The following DIP2C variants were observed in gnomAD, a reference collection of about 807,000 sequenced individuals.
DIP2C encodes the protein disco-interacting protein 2 homolog C.
Under a neutral mutation model 192.4 loss-of-function variants are expected in DIP2C, and 33 were observed. That is an observed-to-expected ratio of 0.17 (90% CI 0.13 to 0.23). The LOEUF (loss-of-function observed/expected upper bound fraction) is 0.23. Among genes scored for constraint, DIP2C ranks in the 10% least tolerant of loss-of-function variants. The probability of loss-of-function intolerance (pLI) is 1.00; values close to 1 mark genes in which losing one functional copy is unlikely to be tolerated. For missense variants in DIP2C, 1,537 were observed against 2,110.1 expected, an observed-to-expected ratio of 0.73 and a Z score of 5.32; for synonymous variants, 979 against 864.1, an observed-to-expected ratio of 1.13 and a Z score of -2.33.
At chr10:316,109 G>A (rs974631181) in intron 31 of DIP2C, among the ~76,000 whole-genome samples, 16 of 151,840 alleles carry the variant, frequency 1.1e-4, no homozygotes, top group African/African-American at 3.6e-4. Context: ...CAGCTATTTC[G>A]AAGTCTCTGA....
chr10:441,265 G>A (rs892161116), intron 3 of DIP2C: 27 of 375,968 alleles, frequency 7.2e-5, no homozygotes, highest in Non-Finnish European at 1.1e-4. Context: ...TCTTTTTAGG[G>A]TGAATGGACC....
intron 1 of DIP2C, among the ~76,000 whole-genome samples, chr10:617,655 A>ACCCCCCCCCCCCC (rs3049602): frequency 7.6e-6 from 1 of 132,326 alleles, no homozygotes; most frequent in African/African-American, 2.8e-5. Flanking sequence ...TGTGGATACC[A>ACCCCCCCCCCCCC]CCCCCCCACC....
chr10:618,269 G>GT (rs1165630453), intron 1 of DIP2C, among the ~76,000 whole-genome samples: 1 of 152,180 alleles, frequency 6.6e-6, no homozygotes, highest in East Asian at 1.9e-4. Context: ...TAAGAAACAG[G>GT]TTTTTTTCTG....
chr10:345,304 A>G, intron 26 of DIP2C, 194 bp from the exon 27 acceptor site: 1 of 690,236 alleles, frequency 1.4e-6, no homozygotes, highest in South Asian at 1.5e-5. Context: ...GGGGCAGGGC[A>G]TGCGGCCTGA....
chr10:502,501 G>A lies in DIP2C; in HGVS notation c.86-15971C>T, dbSNP rs1845305053. On this transcript the variant is annotated intron_variant, in intron 1 of 36. Transcript: ENST00000280886. ...TCTAAGCTTCTATGTTAAACTCAAA[G>A]CCAGAAAAAGACATCATAATGAGCA... Among the ~76,000 whole-genome samples, 3 of 152,016 alleles carry A rather than the reference G, an allele frequency of 2.0e-5. No individual in the cohort carries two copies. The South Asian group carries it at 6.2e-4, about 32-fold the overall frequency.
chr10:472,530 C>G lies in DIP2C; in HGVS notation c.177G>C (p.Pro59=). ...PQPPRVDQAL[P]QERRAPVTPS... is the part of the protein sequence containing the mutation. ...GAGTGACAGGAGCCCGGCGTTCTTG[C>G]GGCAAAGCTTGGTCCACCCCTGGAT... The change falls in exon 3 of 37, where the codon CCG becomes CCC. Residue 59 remains proline (P), a synonymous_variant. Coordinates refer to ENST00000280886, the MANE Select transcript of DIP2C (RefSeq NM_014974.3). 1.2e-6 allele frequency: 2 copies of G among 1,614,118 alleles called. No individual in the cohort carries two copies. The highest frequency in any genetic ancestry group is 1.7e-6 in the Non-Finnish European group (2 of 1,180,010).
At chr10:287,201 A>G (rs1955189157) in intron 33 of DIP2C, among the ~76,000 whole-genome samples, 1 of 152,044 alleles carries the variant, frequency 6.6e-6, no homozygotes, top group African/African-American at 2.4e-5. Flanking sequence ...CTCCAGCCTC[A>G]GCCCCACAAA....
chr10:672,817 C>T (rs967477990), intron 1 of DIP2C, among the ~76,000 whole-genome samples: 1 of 152,162 alleles, frequency 6.6e-6, no homozygotes, highest in African/African-American at 2.4e-5. Flanking sequence ...GAAACTAAAC[C>T]CTGCCCAGCC....
At chr10:356,672 C>T (rs1484429026) in intron 23 of DIP2C, among the ~76,000 whole-genome samples, 166 bp from the exon 24 acceptor site, 1 of 152,178 alleles carries the variant, frequency 6.6e-6, no homozygotes, top group Non-Finnish European at 1.5e-5. Flanking sequence ...TGGGAAAATC[C>T]CCGTCACACA....
intron 3 of DIP2C, among the ~76,000 whole-genome samples, chr10:456,902 A>C (rs571823138): frequency 1.3e-5 from 2 of 152,326 alleles, no homozygotes; most frequent in Admixed American, 6.5e-5. Flanking sequence ...TCCTTCTCTA[A>C]GTCTTTTCTT....
intron 1 of DIP2C, among the ~76,000 whole-genome samples, chr10:528,120 C>G (rs943369269): frequency 6.6e-6 from 1 of 152,132 alleles, no homozygotes; most frequent in Non-Finnish European, 1.5e-5. Context: ...CCTGGAACAT[C>G]CCCCCTGAAG....
intron 17 of DIP2C, among the ~76,000 whole-genome samples, chr10:378,569 A>C (rs907079688): frequency 1.4e-5 from 2 of 142,864 alleles, no homozygotes; most frequent in East Asian, 4.3e-4. Flanking sequence ...GAACACAAAC[A>C]TGCAGACATG....
intron 4 of DIP2C, among the ~76,000 whole-genome samples, chr10:427,236 C>A (rs1023458715): frequency 6.6e-6 from 1 of 152,192 alleles, no homozygotes; most frequent in African/African-American, 2.4e-5. Flanking sequence ...TGACTTATGG[C>A]CCCTCCTCAT....
intron 15 of DIP2C, 126 bp from the exon 16 acceptor site, chr10:384,272 T>G (rs1029718571): frequency 6.0e-4 from 2 of 3,342 alleles, no homozygotes; most frequent in Non-Finnish European, 1.1e-3. Context: ...CCCACAAACC[T>G]TTTTTTTTTT....
In DIP2C at chr10:363,429, A is replaced by G. The variant is rs990811571; in HGVS notation, c.2478-118T>C. 2.1e-5 allele frequency: 17 copies of G among 811,228 alleles called. No individual in the cohort carries two copies. In the African/African-American group the frequency reaches 2.2e-4, roughly 11 times the overall value. The allele number at this position is 811,228 out of a possible 1,614,324, so 50.3% of individuals were successfully genotyped here. ...GTGACACAGCTCCAACTACGACTTC[A>G]AAACGGCCGCTGTACTTCCGAATTT... On this transcript the variant is annotated intron_variant, in intron 20 of 36. Coordinates refer to ENST00000280886, the MANE Select transcript of DIP2C (RefSeq NM_014974.3). The surrounding 1 kb of genome is among the most constrained non-coding windows in gnomAD (Gnocchi z 5.4).
intron 29 of DIP2C, among the ~76,000 whole-genome samples, chr10:338,321 G>C: frequency 6.6e-6 from 1 of 152,124 alleles, no homozygotes; most frequent in Non-Finnish European, 1.5e-5. Context: ...GTGTGCAGTC[G>C]TGTCCTGGCC....
chr10:359,059 C>A (rs751244137), intron 22 of DIP2C, among the ~76,000 whole-genome samples: 13 of 152,122 alleles, frequency 8.5e-5, no homozygotes, highest in Non-Finnish European at 1.8e-4. Context: ...TATGGCTAAG[C>A]AGGTTGCTCA....
chr10:356,387 T>TGAGGCCAGTAGCCAGGG (rs1959083448), intron 24 of DIP2C, 39 bp downstream of exon 24: 1 of 1,606,046 alleles, frequency 6.2e-7, no homozygotes, highest in East Asian at 2.2e-5. Flanking sequence ...CTAGGCCCCT[T>TGAGGCCAGTAGCCAGGG]GAGGCCAGTA....
intron 1 of DIP2C, among the ~76,000 whole-genome samples, chr10:580,130 GCATA>G (rs1564225041): frequency 6.6e-6 from 1 of 152,090 alleles, no homozygotes; most frequent in African/African-American, 2.4e-5. Flanking sequence ...CTATATACAT[GCATA>G]TAGTGTACAC....
Sources: gnomAD v4.1 joint callset for allele counts (sites outside exome capture counted in the v4.1 genomes callset) on GRCh38, gnomAD v4.1.1 for gene constraint, Gnocchi (gnomAD v3.1) non-coding constraint, MANE v1.5 for transcripts, NCBI Gene and HGNC (gene_info 2026-07-23, HGNC 2026-07-21) for gene names.